STXBP5: variants seen among roughly 807,000 people sequenced by gnomAD.
STXBP5 encodes the protein syntaxin-binding protein 5.
Under a neutral mutation model 152.4 loss-of-function variants are expected in STXBP5, and 50 were observed. That is an observed-to-expected ratio of 0.33 (90% CI 0.26 to 0.42). The LOEUF (loss-of-function observed/expected upper bound fraction) is 0.42, where lower values mean the gene tolerates loss of function less well. STXBP5 is among the 10% of genes least tolerant of loss of function. The pLI is 1.00. For synonymous variants in STXBP5, 492 were observed against 494.7 expected (o/e 0.99, Z 0.07); for missense variants, 1,167 against 1,388.6 (o/e 0.84, Z 2.54).
chr6:147,277,308 C>T (rs1462399094), intron 7 of STXBP5, among the ~76,000 whole-genome samples: 2 of 152,074 alleles, frequency 1.3e-5, no homozygotes, highest in African/African-American at 2.4e-5. Context: ...GCAATTCTTG[C>T]ATTCCAGTAG....
At chr6:147,349,886 C>G (rs1440279162) in intron 21 of STXBP5, among the ~76,000 whole-genome samples, 1 of 152,142 alleles carries the variant, frequency 6.6e-6, no homozygotes, top group Non-Finnish European at 1.5e-5. Context: ...AGAATTAACA[C>G]AAGTAACAAA....
chr6:147,314,731 T>A, intron 14 of STXBP5, 95 bp downstream of exon 14: 1 of 923,752 alleles, frequency 1.1e-6, no homozygotes. Flanking sequence ...AATATTTAAT[T>A]TGAAATGTAG....
intron 4 of STXBP5, among the ~76,000 whole-genome samples, chr6:147,249,963 T>C (rs910658751): frequency 4.6e-5 from 7 of 152,156 alleles, no homozygotes; most frequent in African/African-American, 1.7e-4. Context: ...GAAAAAAGAT[T>C]TGTGAGTGTG....
intron 9 of STXBP5, among the ~76,000 whole-genome samples, chr6:147,295,948 G>C (rs183225360): frequency 1.1e-3 from 174 of 152,260 alleles, no homozygotes; most frequent in Admixed American, 2.5e-3. Flanking sequence ...AGGCTCCACT[G>C]TCATTCCACC....
chr6:147,298,413 A>G (rs1471237646), intron 9 of STXBP5, among the ~76,000 whole-genome samples: 1 of 152,096 alleles, frequency 6.6e-6, no homozygotes, highest in African/African-American at 2.4e-5. Context: ...ACTTTCAGCA[A>G]TAGACACATC....
At chr6:147,345,959 G>T (rs1197257040) in intron 21 of STXBP5, among the ~76,000 whole-genome samples, 1 of 152,156 alleles carries the variant, frequency 6.6e-6, no homozygotes, top group East Asian at 1.9e-4. Context: ...TAAGAAGAGA[G>T]CAATGACCCA....
At chr6:147,323,785 T>G (rs1783065166) in intron 16 of STXBP5, among the ~76,000 whole-genome samples, 1 of 152,218 alleles carries the variant, frequency 6.6e-6, no homozygotes, top group African/African-American at 2.4e-5. Flanking sequence ...TTCCTCACAT[T>G]GTGACTAGGT....
chr6:147,271,054 A>G (rs1197459248), intron 7 of STXBP5, among the ~76,000 whole-genome samples: 5 of 152,178 alleles, frequency 3.3e-5, no homozygotes, highest in African/African-American at 1.2e-4. Flanking sequence ...GGAAGGTAGA[A>G]GGGAACAAAG....
At chr6:147,232,383 T>G (rs547393328) in intron 2 of STXBP5, among the ~76,000 whole-genome samples, 1 of 151,952 alleles carries the variant, frequency 6.6e-6, no homozygotes, top group South Asian at 2.1e-4. Context: ...CTACTTGCTC[T>G]GAAATTTGTG....
chr6:147,239,141 C>A, intron 3 of STXBP5, 29 bp from the exon 4 acceptor site: 1 of 1,572,540 alleles, frequency 6.4e-7, no homozygotes, highest in Non-Finnish European at 8.7e-7. Context: ...ATATATTATA[C>A]ATGAAATGTG....
intron 19 of STXBP5, among the ~76,000 whole-genome samples, chr6:147,334,859 C>T (rs1198482081): frequency 6.6e-6 from 1 of 151,788 alleles, no homozygotes; most frequent in Admixed American, 6.6e-5. Flanking sequence ...TATTATTCAC[C>T]AGTTTTCTAG....
chr6:147,214,325 C>G (rs1251464034), intron 2 of STXBP5, among the ~76,000 whole-genome samples: 2 of 151,996 alleles, frequency 1.3e-5, no homozygotes, highest in African/African-American at 2.4e-5. Context: ...CTCTTATTTT[C>G]CTCATATTTA....
chr6:147,279,914 A>G (rs1202203001), intron 8 of STXBP5, among the ~76,000 whole-genome samples: 1 of 152,224 alleles, frequency 6.6e-6, no homozygotes, highest in Non-Finnish European at 1.5e-5. Context: ...CATGTCAAAG[A>G]TGATAGAAAT....
chr6:147,260,315 G>A (rs996357581), intron 4 of STXBP5, among the ~76,000 whole-genome samples: 1 of 151,960 alleles, frequency 6.6e-6, no homozygotes, highest in Middle Eastern at 3.4e-3. Context: ...TGGCCTAAAG[G>A]GTAAATGTGT....
chr6:147,310,706 T>G (rs991809998), intron 10 of STXBP5, among the ~76,000 whole-genome samples: 3 of 152,120 alleles, frequency 2.0e-5, no homozygotes, highest in Admixed American at 1.3e-4. Flanking sequence ...AGACATGGTT[T>G]CTATGTTGCA....
At chr6:147,314,179 A>C in intron 12 of STXBP5, 85 bp from the exon 13 acceptor site, 1 of 1,236,278 alleles carries the variant, frequency 8.1e-7, no homozygotes, top group Non-Finnish European at 1.1e-6. Context: ...TCACTGGATT[A>C]TTTACACACA....
At chr6:147,328,561 C>T in intron 18 of STXBP5, 2 of 313,326 alleles carry the variant, frequency 6.4e-6, no homozygotes, top group Non-Finnish European at 1.3e-5. Context: ...TTTTTCTTTC[C>T]AAAGTTTTGT....
At chr6:147,273,273 A>T (rs1780271358) in intron 7 of STXBP5, among the ~76,000 whole-genome samples, 1 of 151,538 alleles carries the variant, frequency 6.6e-6, no homozygotes, top group Admixed American at 6.6e-5. Flanking sequence ...CTGAAGTGGG[A>T]GGATGGGTTA....
intron 25 of STXBP5, among the ~76,000 whole-genome samples, chr6:147,370,343 C>T (rs1785483261): frequency 6.6e-6 from 1 of 151,984 alleles, no homozygotes; most frequent in African/African-American, 2.4e-5. Context: ...TGCATATATG[C>T]ATATGGCGAA....
Sources: allele counts gnomAD v4.1 joint callset (sites outside exome capture counted in the v4.1 genomes callset), GRCh38; gene constraint gnomAD v4.1.1; transcripts MANE v1.5; gene names NCBI Gene and HGNC (gene_info 2026-07-23, HGNC 2026-07-21).